PARD3: variants seen among roughly 807,000 people sequenced by gnomAD.
The protein encoded by PARD3 is partitioning defective 3 homolog.
A neutral mutation model predicts 155.4 loss-of-function variants in PARD3; 75 were observed. That is an observed-to-expected ratio of 0.48 (90% CI 0.40 to 0.58). PARD3 has a LOEUF of 0.58. Ranked by LOEUF, PARD3 falls within the 20% of genes least tolerant of loss-of-function variation. The pLI is 0.00. For synonymous variants in PARD3, 576 were observed against 610.5 expected, an observed-to-expected ratio of 0.94 and a Z score of 0.83; for missense variants, 1,642 against 1,721.7, an observed-to-expected ratio of 0.95 and a Z score of 0.82.
At chr10:34,377,793 T>TA (rs1428947078) in intron 10 of PARD3, among the ~76,000 whole-genome samples, 174 bp downstream of exon 10, 1 of 151,898 alleles carries the variant, frequency 6.6e-6, no homozygotes, top group Non-Finnish European at 1.5e-5. Context: ...AAAATATATA[T>TA]AAAAAATAAC....
intron 24 of PARD3, among the ~76,000 whole-genome samples, chr10:34,112,448 A>G (rs927077537): frequency 7.2e-5 from 11 of 152,238 alleles, no homozygotes; most frequent in African/African-American, 2.7e-4. Context: ...AATTTACAAT[A>G]AGATTGGCTA....
chr10:34,680,106 A>G (rs2093783861), intron 2 of PARD3, among the ~76,000 whole-genome samples: 1 of 152,182 alleles, frequency 6.6e-6, no homozygotes, highest in Admixed American at 6.5e-5. Flanking sequence ...AATTTTAAAG[A>G]AAATAAAACA....
rs182785249 is a variant in PARD3, at chr10:34,786,462, A to T, written c.120+28414T>A. 3.5e-3 allele frequency among the ~76,000 whole-genome samples: 531 copies of T among 152,358 alleles called. 4 individuals carry two copies. Among genetic ancestry groups the T allele is most frequent in the African/African-American group, 0.011 (472 of 41,576 alleles). ...ATATTTTACAGCAGTTAGGCCCCAT[A>T]AGAGAAATAACAAGGAGGCTCTTAG... On this transcript the variant is annotated intron_variant, in intron 1 of 24. Transcript: ENST00000374788.
Position 34,250,502 on chromosome 10 carries a change from C to T in PARD3, c.3419+19155G>A, listed in dbSNP as rs866735950. Among the ~76,000 whole-genome samples the T allele has an allele frequency of 1.6e-4, 24 of 152,174 alleles. No homozygotes were observed. The Middle Eastern group carries it at 0.017, about 108-fold the overall frequency. On this transcript the variant is annotated intron_variant, in intron 22 of 24. Coordinates refer to ENST00000374788, the MANE Select transcript of PARD3 (RefSeq NM_001184785.2). ...TCAAATGCATTCATTTATTCCTTGACGGGCATTTAGCTACCCTTGGGTATA... is the reference window on the plus strand; with the variant it reads ...TCAAATGCATTCATTTATTCCTTGATGGGCATTTAGCTACCCTTGGGTATA...
At chr10:34,561,653 G>T (rs561430716) in intron 2 of PARD3, among the ~76,000 whole-genome samples, 2 of 151,946 alleles carry the variant, frequency 1.3e-5, no homozygotes, top group South Asian at 4.2e-4. Context: ...CGAGTAGCTG[G>T]GATTACAGGC....
intron 5 of PARD3, among the ~76,000 whole-genome samples, chr10:34,405,252 G>C (rs1844334806): frequency 6.6e-6 from 1 of 152,056 alleles, no homozygotes; most frequent in African/African-American, 2.4e-5. Context: ...GACAGAAATA[G>C]ATAACACATA....
chr10:34,213,933 A>G (rs762652992), intron 22 of PARD3, among the ~76,000 whole-genome samples: 18 of 152,000 alleles, frequency 1.2e-4, no homozygotes, highest in Non-Finnish European at 1.9e-4. Context: ...TCTGTTGCCC[A>G]GGCTAGAGTG....
intron 2 of PARD3, among the ~76,000 whole-genome samples, chr10:34,614,391 T>A (rs572941425): frequency 6.6e-6 from 1 of 152,064 alleles, no homozygotes; most frequent in Admixed American, 6.6e-5. Context: ...AAAAAAGAAA[T>A]AAAAGCCATA....
chr10:34,265,992 T>C (rs1305704573), intron 22 of PARD3, among the ~76,000 whole-genome samples: 2 of 152,216 alleles, frequency 1.3e-5, no homozygotes, highest in African/African-American at 2.4e-5. Flanking sequence ...TATTCATGAT[T>C]TGTGCAAGAG....
At chr10:34,551,066 G>A (rs533694752) in intron 2 of PARD3, among the ~76,000 whole-genome samples, 2 of 152,192 alleles carry the variant, frequency 1.3e-5, no homozygotes, top group African/African-American at 2.4e-5. Flanking sequence ...AATGCAAAAT[G>A]TATGCAAAAA....
intron 5 of PARD3, among the ~76,000 whole-genome samples, chr10:34,412,654 A>C (rs980357216): frequency 6.6e-6 from 1 of 152,216 alleles, no homozygotes; most frequent in Non-Finnish European, 1.5e-5. Context: ...TTTAATAACC[A>C]TATCATTTGC....
intron 1 of PARD3, among the ~76,000 whole-genome samples, chr10:34,722,438 CACTATAA>C (rs2094623605): frequency 6.6e-6 from 1 of 152,138 alleles, no homozygotes; most frequent in African/African-American, 2.4e-5. Context: ...TGCACAAGGT[CACTATAA>C]ACTATAATCA....
chr10:34,337,145 C>T, intron 17 of PARD3, 130 bp downstream of exon 17: 1 of 564,470 alleles, frequency 1.8e-6, no homozygotes, highest in Non-Finnish European at 2.8e-6. Flanking sequence ...CTAATTTTTG[C>T]CAAATTGCCA....
intron 22 of PARD3, among the ~76,000 whole-genome samples, chr10:34,260,618 C>T (rs955175132): frequency 1.3e-5 from 2 of 152,128 alleles, no homozygotes; most frequent in African/African-American, 4.8e-5. Context: ...CAGCCAAGGA[C>T]ACTGAGATCA....
intron 2 of PARD3, among the ~76,000 whole-genome samples, chr10:34,635,218 C>A (rs191939550): frequency 6.6e-6 from 1 of 152,230 alleles, no homozygotes; most frequent in African/African-American, 2.4e-5. Context: ...GTGCTCTCAG[C>A]CCACCATGTT....
At chr10:34,275,453 C>T (rs1955828677) in intron 21 of PARD3, among the ~76,000 whole-genome samples, 1 of 152,150 alleles carries the variant, frequency 6.6e-6, no homozygotes, top group Non-Finnish European at 1.5e-5. Flanking sequence ...GCTTGCTGTA[C>T]AAATAGCACT....
intron 2 of PARD3, among the ~76,000 whole-genome samples, chr10:34,563,305 A>T (rs1254355968): frequency 1.3e-5 from 2 of 152,158 alleles, no homozygotes; most frequent in African/African-American, 4.8e-5. Flanking sequence ...GGCTGAAAAG[A>T]AGTATGTACA....
intron 22 of PARD3, among the ~76,000 whole-genome samples, chr10:34,236,544 C>A (rs977914612): frequency 6.6e-6 from 1 of 152,076 alleles, no homozygotes; most frequent in Admixed American, 6.5e-5. Flanking sequence ...AAGGTAGAAA[C>A]CTTTTGTTGC....
At chr10:34,502,136 A>G (rs2133438590) in intron 3 of PARD3, among the ~76,000 whole-genome samples, 1 of 152,276 alleles carries the variant, frequency 6.6e-6, no homozygotes, top group East Asian at 1.9e-4. Context: ...TTTATCAGCC[A>G]CCCAGTCTAA....
Sources: allele counts gnomAD v4.1 joint callset (sites outside exome capture counted in the v4.1 genomes callset), GRCh38; gene constraint gnomAD v4.1.1; transcripts MANE v1.5; gene names NCBI Gene and HGNC (gene_info 2026-07-23, HGNC 2026-07-21).